The following PDE4D variants were observed in gnomAD, a reference collection of about 807,000 sequenced individuals.
The protein encoded by PDE4D is phosphodiesterase 4D.
Under a neutral mutation model 87.4 loss-of-function variants are expected in PDE4D, and 24 were observed. That is an observed-to-expected ratio of 0.27 (90% CI 0.20 to 0.39). The LOEUF (loss-of-function observed/expected upper bound fraction) is 0.39. PDE4D is among the 10% of genes least tolerant of loss of function. The pLI is 1.00. For missense variants in PDE4D, 714 were observed against 1,041.0 expected (o/e 0.69, Z 4.32); for synonymous variants, 384 against 383.2 (o/e 1.00, Z -0.02).
intron 1 of PDE4D, among the ~76,000 whole-genome samples, chr5:59,563,379 C>A (rs1820373883): frequency 6.6e-6 from 1 of 152,212 alleles, no homozygotes; most frequent in African/African-American, 2.4e-5. Flanking sequence ...GTTAACATAA[C>A]TCTCAAATAA....
In PDE4D at chr5:59,312,558, C is replaced by T. The variant is rs76142904; in HGVS notation, c.456-96590G>A. 4.6e-3 allele frequency among the ~76,000 whole-genome samples: 697 copies of T among 152,212 alleles called. 51 individuals are homozygous for T. In the East Asian group the frequency reaches 0.12, roughly 27 times the overall value. On this transcript the variant is annotated intron_variant, in intron 1 of 14. Coordinates refer to ENST00000340635, the MANE Select transcript of PDE4D (RefSeq NM_001104631.2). ...ATAAACCAGGGGCCAAATGGAAATCCTATAGCCTTTCTGAAAAGTCTACAG... is the reference window on the plus strand; with the variant it reads ...ATAAACCAGGGGCCAAATGGAAATCTTATAGCCTTTCTGAAAAGTCTACAG...
intron 6 of PDE4D, among the ~76,000 whole-genome samples, chr5:59,011,943 T>A (rs550725689): frequency 3.3e-5 from 5 of 152,268 alleles, no homozygotes; most frequent in East Asian, 3.9e-4. Context: ...CCATCAGACT[T>A]ACAGCTGATC....
At chr5:60,397,296 A>C (rs990091854) in intron 1 of PDE4D, among the ~76,000 whole-genome samples, 1 of 152,208 alleles carries the variant, frequency 6.6e-6, no homozygotes, top group African/African-American at 2.4e-5. Context: ...GACTAGGTAG[A>C]TTTCTAAAGG....
rs774486077 is a variant in PDE4D, at chr5:59,988,629, C to G, written c.131G>C (p.Arg44Pro). 1.9e-6 allele frequency: 3 copies of G among 1,598,974 alleles called. No individual in the cohort carries two copies. The African/African-American group carries it at 4.0e-5, about 21-fold the overall frequency. ...GGCGAGAGGGGGAAGCTGAATATTGCGACATGAAAGTCTCCGGACAAGATA... is the reference window on the plus strand; with the variant it reads ...GGCGAGAGGGGGAAGCTGAATATTGGGACATGAAAGTCTCCGGACAAGATA... The change falls in exon 3 of 17, where the codon CGC becomes CCC. Residue 44 changes from arginine (R) to proline (P), a missense_variant. Arg to Pro is a moderately radical substitution (Grantham distance 103, BLOSUM62 -2). Transcript: ENST00000502484.
intron 3 of PDE4D, among the ~76,000 whole-genome samples, chr5:59,934,828 A>G (rs879328004): frequency 2.0e-5 from 3 of 152,206 alleles, no homozygotes; most frequent in Non-Finnish European, 2.9e-5. Flanking sequence ...GGGAGTTTCC[A>G]GGCACATTCT....
intron 5 of PDE4D, among the ~76,000 whole-genome samples, chr5:59,107,554 A>G (rs1408007305): frequency 2.0e-5 from 3 of 152,188 alleles, no homozygotes; most frequent in Non-Finnish European, 4.4e-5. Context: ...TATGAAGGAA[A>G]TCACTGAGTT....
chr5:59,022,855 T>A (rs1755446470), intron 6 of PDE4D, among the ~76,000 whole-genome samples: 2 of 152,226 alleles, frequency 1.3e-5, no homozygotes, highest in African/African-American at 2.4e-5. Context: ...AATACATTTT[T>A]AAAATATTAT....
chr5:59,732,338 A>G (rs1468088799), intron 1 of PDE4D, among the ~76,000 whole-genome samples: 1 of 151,522 alleles, frequency 6.6e-6, no homozygotes, highest in Admixed American at 6.6e-5. Flanking sequence ...GTAAAAAGCT[A>G]TATTTTATTA....
At chr5:60,008,349 G>T (rs1349255860) in intron 2 of PDE4D, among the ~76,000 whole-genome samples, 1 of 152,002 alleles carries the variant, frequency 6.6e-6, no homozygotes, top group African/African-American at 2.4e-5. Flanking sequence ...ACAGTAGCAA[G>T]AGTAAATCCC....
chr5:59,597,056 G>A lies in PDE4D; in HGVS notation c.455+296112C>T, dbSNP rs187973828. Among the ~76,000 whole-genome samples the A allele has an allele frequency of 4.3e-3, 659 of 152,136 alleles. 9 individuals are homozygous for A. The highest frequency in any genetic ancestry group is 2.0e-3 in the Non-Finnish European group (134 of 67,986). On this transcript the variant is annotated intron_variant, in intron 1 of 14. Coordinates refer to ENST00000340635, the MANE Select transcript of PDE4D (RefSeq NM_001104631.2). ...TAATTTCAGTTTTCCTAATCCAATA[G>A]GCCCTGCTATACTTGTTTCTGTTAA...
chr5:60,107,468 A>G (rs1398491800), intron 2 of PDE4D, among the ~76,000 whole-genome samples: 1 of 152,236 alleles, frequency 6.6e-6, no homozygotes, highest in African/African-American at 2.4e-5. Flanking sequence ...AAACTATTCC[A>G]ATCAATAGAA....
chr5:59,495,063 C>G (rs1806916916), intron 1 of PDE4D, among the ~76,000 whole-genome samples: 1 of 152,308 alleles, frequency 6.6e-6, no homozygotes, highest in Admixed American at 6.5e-5. Context: ...GACTTCCCCA[C>G]CAGTTTCCTC....
chr5:60,447,172 C>T (rs371740903), intron 1 of PDE4D, among the ~76,000 whole-genome samples: 2 of 152,162 alleles, frequency 1.3e-5, no homozygotes, highest in African/African-American at 4.8e-5. Context: ...GTGGCATGTT[C>T]TCATCCATTG....
intron 7 of PDE4D, 84 bp from the exon 8 acceptor site, chr5:58,992,088 G>C: frequency 2.4e-6 from 2 of 834,030 alleles, no homozygotes. Flanking sequence ...GATTATAATT[G>C]ATCATTATAT....
At chr5:59,121,623 G>A (rs1369588518) in intron 5 of PDE4D, among the ~76,000 whole-genome samples, 3 of 152,136 alleles carry the variant, frequency 2.0e-5, no homozygotes, top group Admixed American at 6.5e-5. Context: ...CAGTGGGAAT[G>A]TAAATTAGTA....
intron 1 of PDE4D, among the ~76,000 whole-genome samples, chr5:59,507,482 C>A (rs776811521): frequency 1.9e-4 from 29 of 151,390 alleles, no homozygotes; most frequent in African/African-American, 7.0e-4. Flanking sequence ...GGCAACAAAG[C>A]GAGACCCAGT....
intron 1 of PDE4D, among the ~76,000 whole-genome samples, chr5:59,696,497 T>G (rs1338306481): frequency 1.3e-5 from 2 of 152,122 alleles, no homozygotes; most frequent in Non-Finnish European, 2.9e-5. Flanking sequence ...AATTCATTGA[T>G]GTGGAAAGAG....
intron 1 of PDE4D, among the ~76,000 whole-genome samples, chr5:59,499,947 A>G: frequency 6.6e-6 from 1 of 152,090 alleles, no homozygotes; most frequent in Non-Finnish European, 1.5e-5. Context: ...TGATACCAAA[A>G]TCTGGCAAAG....
intron 6 of PDE4D, among the ~76,000 whole-genome samples, chr5:59,027,266 A>G (rs556047476): frequency 2.0e-5 from 3 of 152,326 alleles, no homozygotes; most frequent in Non-Finnish European, 4.4e-5. Flanking sequence ...CATTTTCATC[A>G]GATCATATCG....
Sources: allele counts gnomAD v4.1 joint callset (sites outside exome capture counted in the v4.1 genomes callset), GRCh38; gene constraint gnomAD v4.1.1; transcripts MANE v1.5; gene names NCBI Gene and HGNC (gene_info 2026-07-23, HGNC 2026-07-21).